The following PLEKHA5 variants were observed in gnomAD, a reference collection of about 807,000 sequenced individuals.
The protein encoded by PLEKHA5 is pleckstrin homology domain-containing family A member 5.
In PLEKHA5, 55 loss-of-function variants were observed where a neutral mutation model predicts 181.9. That is an observed-to-expected ratio of 0.30 (90% CI 0.24 to 0.38). The LOEUF (loss-of-function observed/expected upper bound fraction) is 0.38, where lower values mean the gene tolerates loss of function less well. Ranked by LOEUF, PLEKHA5 falls within the 10% of genes least tolerant of loss-of-function variation. The pLI, the probability that PLEKHA5 is intolerant of heterozygous loss-of-function variation, is 1.00. For missense variants in PLEKHA5, 1,432 were observed against 1,549.5 expected (o/e 0.92, Z 1.27); for synonymous variants, 535 against 529.4 (o/e 1.01, Z -0.15).
At chr12:19,186,122 C>T (rs2049810084) in intron 3 of PLEKHA5, among the ~76,000 whole-genome samples, 1 of 152,088 alleles carries the variant, frequency 6.6e-6, no homozygotes, top group Non-Finnish European at 1.5e-5. Flanking sequence ...AATAATAAGG[C>T]TAGTTGTCCC....
At chr12:19,265,993 A>T in intron 8 of PLEKHA5, 143 bp downstream of exon 8, 1 of 448,442 alleles carries the variant, frequency 2.2e-6, no homozygotes, top group Non-Finnish European at 3.9e-6. Context: ...TTATGGTTGT[A>T]TAGAAGAATG....
intron 3 of PLEKHA5, among the ~76,000 whole-genome samples, chr12:19,220,180 T>A (rs1592108372): frequency 8.9e-6 from 1 of 112,444 alleles, no homozygotes; most frequent in Admixed American, 1.2e-4. Context: ...TCCAAGAAAC[T>A]CTCCAATTGC....
chr12:19,352,432 A>G (rs1415387478), intron 25 of PLEKHA5, among the ~76,000 whole-genome samples: 4 of 152,050 alleles, frequency 2.6e-5, no homozygotes, highest in African/African-American at 9.7e-5. Flanking sequence ...ATGAGTACCT[A>G]TAGTTAGCTA....
chr12:19,272,945 C>T (rs1233362252), intron 10 of PLEKHA5, among the ~76,000 whole-genome samples: 1 of 152,144 alleles, frequency 6.6e-6, no homozygotes, highest in Admixed American at 6.5e-5. Context: ...CTCGCTCTGT[C>T]GCCCAGGCTG....
chr12:19,300,764 C>A (rs1383817087), intron 15 of PLEKHA5, among the ~76,000 whole-genome samples: 1 of 152,062 alleles, frequency 6.6e-6, no homozygotes, highest in Non-Finnish European at 1.5e-5. Context: ...CTACTCAGTG[C>A]CATTTGTAAC....
chr12:19,269,692 G>T, intron 8 of PLEKHA5, 78 bp from the exon 9 acceptor site: 1 of 646,164 alleles, frequency 1.5e-6, no homozygotes, highest in Non-Finnish European at 2.7e-6. Flanking sequence ...TCTATGTCAG[G>T]AATCACTTAC....
chr12:19,296,763 C>T (rs1036424555), intron 15 of PLEKHA5, among the ~76,000 whole-genome samples: 3 of 151,994 alleles, frequency 2.0e-5, no homozygotes, highest in African/African-American at 7.3e-5. Context: ...GAAACTAGAC[C>T]AGGAGCTGAA....
chr12:19,254,144 A>C, intron 4 of PLEKHA5, 121 bp downstream of exon 4: 1 of 682,222 alleles, frequency 1.5e-6, no homozygotes, highest in East Asian at 2.6e-5. Flanking sequence ...GTATAATAAC[A>C]GAATGCCAGC....
intron 7 of PLEKHA5, among the ~76,000 whole-genome samples, chr12:19,263,897 A>G (rs577570227): frequency 2.3e-4 from 35 of 152,308 alleles, no homozygotes; most frequent in African/African-American, 8.2e-4. Context: ...TTCATTCTAC[A>G]AACATTACTG....
chr12:19,238,720 G>A (rs769389548), intron 3 of PLEKHA5, among the ~76,000 whole-genome samples: 2 of 146,294 alleles, frequency 1.4e-5, no homozygotes, highest in Non-Finnish European at 3.0e-5. Flanking sequence ...GACATCATAG[G>A]TCATGGGTTG....
At chr12:19,269,487 CTCCTT>C (rs770887580) in intron 8 of PLEKHA5, among the ~76,000 whole-genome samples, 1 of 145,732 alleles carries the variant, frequency 6.9e-6, no homozygotes, top group Non-Finnish European at 1.5e-5. Context: ...CATTTCTCAC[CTCCTT>C]TCCTTTCCAT....
intron 11 of PLEKHA5, among the ~76,000 whole-genome samples, chr12:19,281,420 AC>A (rs1366328041): frequency 6.6e-6 from 1 of 151,874 alleles, no homozygotes; most frequent in African/African-American, 2.4e-5. Context: ...CTACAAAAGT[AC>A]AAAAAATTAG....
At chr12:19,258,554 T>C (rs2067452178) in intron 6 of PLEKHA5, among the ~76,000 whole-genome samples, 1 of 105,878 alleles carries the variant, frequency 9.4e-6, no homozygotes, top group African/African-American at 2.9e-5. Context: ...CTTTTTTTTT[T>C]CTTTTTCTTT....
At chr12:19,218,982 G>A (rs2152283654) in intron 3 of PLEKHA5, among the ~76,000 whole-genome samples, 1 of 140,798 alleles carries the variant, frequency 7.1e-6, no homozygotes, top group East Asian at 2.1e-4. Context: ...TAGGGTACAT[G>A]TGCACATTGT....
At chr12:19,346,922 C>A in intron 23 of PLEKHA5, 72 bp from the exon 24 acceptor site, 2 of 927,672 alleles carry the variant, frequency 2.2e-6, no homozygotes, top group Non-Finnish European at 3.1e-6. Flanking sequence ...GTTAATATAC[C>A]ATTGCAAAGA....
intron 3 of PLEKHA5, among the ~76,000 whole-genome samples, chr12:19,191,702 C>T (rs2051165354): frequency 6.6e-6 from 1 of 152,166 alleles, no homozygotes; most frequent in Admixed American, 6.5e-5. Context: ...TTGGGTAGTT[C>T]TGGCTCAGGT....
At chr12:19,273,098 G>A (rs929773715) in intron 10 of PLEKHA5, among the ~76,000 whole-genome samples, 4 of 151,844 alleles carry the variant, frequency 2.6e-5, no homozygotes, top group African/African-American at 7.3e-5. Context: ...TCGTAGAGAC[G>A]GGGTCTCACC....
intron 3 of PLEKHA5, among the ~76,000 whole-genome samples, chr12:19,134,355 G>C (rs760037851): frequency 6.6e-6 from 1 of 151,862 alleles, no homozygotes. Flanking sequence ...TAAACTTGTA[G>C]GTTTTAATCA....
At chr12:19,365,409 G>A (rs1186100875) in intron 29 of PLEKHA5, among the ~76,000 whole-genome samples, 1 of 151,880 alleles carries the variant, frequency 6.6e-6, no homozygotes, top group Non-Finnish European at 1.5e-5. Context: ...AAAATCCTGA[G>A]GGATACAATC....
Sources: gnomAD v4.1 joint callset for allele counts (sites outside exome capture counted in the v4.1 genomes callset) on GRCh38, gnomAD v4.1.1 for gene constraint, MANE v1.5 for transcripts, NCBI Gene and HGNC (gene_info 2026-07-23, HGNC 2026-07-21) for gene names.